Variants in TRIM44 observed in about 807,000 individuals in gnomAD.
The protein encoded by TRIM44 is tripartite motif-containing protein 44.
Under a neutral mutation model 37.4 loss-of-function variants are expected in TRIM44, and 13 were observed. The ratio of observed to expected loss-of-function variants is 0.35; its 90% CI spans 0.23 to 0.55. The LOEUF is 0.55. Among genes scored for constraint, TRIM44 ranks in the 20% least tolerant of loss-of-function variants. TRIM44 has a pLI of 0.89. For synonymous variants in TRIM44, 175 were observed against 157.2 expected (o/e 1.11, Z -0.85); for missense variants, 426 against 437.2 (o/e 0.97, Z 0.23).
chr11:35,780,861 T>C, intron 4 of TRIM44, among the ~76,000 whole-genome samples: 1 of 151,512 alleles, frequency 6.6e-6, no homozygotes, highest in Middle Eastern at 3.2e-3. Context: ...TTTTCAACTC[T>C]ATTTATTAAG....
rs891122206 is a variant in TRIM44, at chr11:35,669,706, T to C, written c.669+5926T>C. Among the ~76,000 whole-genome samples the C allele has an allele frequency of 5.9e-5, 9 of 152,308 alleles. 1 individual carries two copies. Among genetic ancestry groups the C allele is most frequent in the African/African-American group, 2.2e-4 (9 of 41,576 alleles). On this transcript the variant is annotated intron_variant, in intron 1 of 4. Coordinates refer to ENST00000299413, the MANE Select transcript of TRIM44 (RefSeq NM_017583.6). ...GTTGGCCAGATTGGTCTTGAACTCC[T>C]GGCCTCAGGTGATCCACCTGCCTTG...
At chr11:35,776,874 C>T (rs1852973259) in intron 4 of TRIM44, among the ~76,000 whole-genome samples, 1 of 152,138 alleles carries the variant, frequency 6.6e-6, no homozygotes, top group African/African-American at 2.4e-5. Flanking sequence ...TTTACTTCCA[C>T]CTATGTGGTC....
intron 4 of TRIM44, among the ~76,000 whole-genome samples, chr11:35,737,325 A>T (rs1468224948): frequency 6.6e-6 from 1 of 152,210 alleles, no homozygotes; most frequent in East Asian, 1.9e-4. Context: ...TAACCTGAAC[A>T]GATTTGCATT....
chr11:35,706,441 C>T (rs1403988506), intron 2 of TRIM44, among the ~76,000 whole-genome samples: 5 of 152,124 alleles, frequency 3.3e-5, no homozygotes, highest in Non-Finnish European at 7.3e-5. Context: ...ATACCAAAAC[C>T]GGGCAGAGAT....
At chr11:35,777,533 A>G (rs1852988644) in intron 4 of TRIM44, among the ~76,000 whole-genome samples, 2 of 151,746 alleles carry the variant, frequency 1.3e-5, no homozygotes, top group South Asian at 4.2e-4. Flanking sequence ...TAGTTGATGC[A>G]TTTCTTCCTA....
intron 4 of TRIM44, among the ~76,000 whole-genome samples, chr11:35,744,919 C>T (rs951768912): frequency 3.3e-5 from 5 of 152,178 alleles, no homozygotes; most frequent in Admixed American, 6.5e-5. Flanking sequence ...TCTGTGGCTG[C>T]ATAGTATTCC....
intron 4 of TRIM44, among the ~76,000 whole-genome samples, chr11:35,741,577 G>C (rs564030363): frequency 6.6e-6 from 1 of 152,130 alleles, no homozygotes; most frequent in Non-Finnish European, 1.5e-5. Flanking sequence ...AGAAAAAAGG[G>C]CCCAAGAGGA....
intron 1 of TRIM44, among the ~76,000 whole-genome samples, chr11:35,681,373 C>T (rs1851519779): frequency 6.6e-6 from 1 of 152,132 alleles, no homozygotes; most frequent in African/African-American, 2.4e-5. Flanking sequence ...TATGACTCAT[C>T]CCTAGGAGGT....
At chr11:35,740,760 C>T (rs1405494140) in intron 4 of TRIM44, among the ~76,000 whole-genome samples, 1 of 152,114 alleles carries the variant, frequency 6.6e-6, no homozygotes, top group Admixed American at 6.5e-5. Flanking sequence ...TATCCTCACC[C>T]CTCTTCACTC....
Position 35,735,426 on chromosome 11 carries a change from G to A in TRIM44, c.988G>A (p.Gly330Ser), listed in dbSNP as rs1590553763. 4.3e-6 allele frequency: 7 copies of A among 1,613,496 alleles called. No homozygotes were observed. The East Asian group carries it at 1.6e-4, about 36-fold the overall frequency. The change falls in exon 4 of 5, where the codon GGC becomes AGC. Residue 330 changes from glycine (G) to serine (S), a missense_variant and splice_region_variant. Physicochemically the swap from Gly to Ser is moderately conservative, Grantham distance 56 (BLOSUM62 0). This residue lies in a region of TRIM44 where 95 missense variants were observed against 134.2 expected (regional missense o/e 0.71). Coordinates refer to ENST00000299413, the MANE Select transcript of TRIM44 (RefSeq NM_017583.6). ...SNESAEPKAE[G>S]DEEGPSGASE... ...CTGTTTCTTTCTGTTTGTCTTTCAG[G>A]GCGATGAGGAAGGACCCAGGTAAGA...
intron 4 of TRIM44, among the ~76,000 whole-genome samples, chr11:35,801,543 G>C (rs1003104724): frequency 6.6e-6 from 1 of 152,160 alleles, no homozygotes; most frequent in African/African-American, 2.4e-5. Flanking sequence ...AAGCCAAAAA[G>C]CTAAGCTGCC....
chr11:35,695,467 G>A (rs1851685666), intron 2 of TRIM44, among the ~76,000 whole-genome samples: 2 of 151,994 alleles, frequency 1.3e-5, no homozygotes, highest in Non-Finnish European at 2.9e-5. Flanking sequence ...TTCTGCTTGG[G>A]TTAGCAGTTT....
intron 4 of TRIM44, among the ~76,000 whole-genome samples, chr11:35,783,418 C>G (rs2133873188): frequency 6.6e-6 from 1 of 152,320 alleles, no homozygotes; most frequent in South Asian, 2.1e-4. Context: ...TGACCCACTC[C>G]TGTTTCTTCA....
intron 4 of TRIM44, among the ~76,000 whole-genome samples, chr11:35,745,308 G>C (rs1341597516): frequency 6.6e-6 from 1 of 152,056 alleles, no homozygotes; most frequent in Admixed American, 6.6e-5. Flanking sequence ...TTGTTTGTTG[G>C]CTACTTGTAT....
At chr11:35,709,841 ATTAAAT>A (rs1590530799) in intron 2 of TRIM44, among the ~76,000 whole-genome samples, 1 of 152,200 alleles carries the variant, frequency 6.6e-6, no homozygotes, top group East Asian at 1.9e-4. Flanking sequence ...CGTCAGCTGA[ATTAAAT>A]TTAAAGGAGT....
At chr11:35,686,827 G>A (rs1035065895) in intron 2 of TRIM44, among the ~76,000 whole-genome samples, 3 of 152,104 alleles carry the variant, frequency 2.0e-5, no homozygotes, top group African/African-American at 7.2e-5. Context: ...CAAAGTGCTG[G>A]GATTATGGGC....
intron 3 of TRIM44, among the ~76,000 whole-genome samples, chr11:35,731,052 C>T (rs1395644975): frequency 6.6e-6 from 1 of 151,966 alleles, no homozygotes; most frequent in Non-Finnish European, 1.5e-5. Context: ...GACAGTTTTA[C>T]TTTCTTTGTT....
At chr11:35,751,897 A>G (rs1329768262) in intron 4 of TRIM44, among the ~76,000 whole-genome samples, 3 of 152,202 alleles carry the variant, frequency 2.0e-5, no homozygotes, top group Non-Finnish European at 4.4e-5. Flanking sequence ...TGCTATTTCC[A>G]TATTACATAG....
At chr11:35,776,699 C>T (rs935172105) in intron 4 of TRIM44, among the ~76,000 whole-genome samples, 1 of 152,202 alleles carries the variant, frequency 6.6e-6, no homozygotes, top group Admixed American at 6.5e-5. Flanking sequence ...TTTCTGCCTT[C>T]ATTTCGTTGT....
Sources: allele counts gnomAD v4.1 joint callset (sites outside exome capture counted in the v4.1 genomes callset), GRCh38; gene constraint gnomAD v4.1.1; regional missense constraint gnomAD v4.1.1; transcripts MANE v1.5; gene names NCBI Gene and HGNC (gene_info 2026-07-23, HGNC 2026-07-21).